NRG1: variants seen among roughly 807,000 people sequenced by gnomAD.
NRG1 encodes neuregulin 1.
In NRG1, 18 loss-of-function variants were observed where a neutral mutation model predicts 63.8. That is an observed-to-expected ratio of 0.28 (90% CI 0.19 to 0.42). The LOEUF (loss-of-function observed/expected upper bound fraction) is 0.42, where lower values mean the gene tolerates loss of function less well. NRG1 is among the 10% of genes least tolerant of loss of function. The probability of loss-of-function intolerance (pLI) is 1.00; values close to 1 mark genes in which losing one functional copy is unlikely to be tolerated. For synonymous variants in NRG1, 302 were observed against 301.3 expected, an observed-to-expected ratio of 1.00 and a Z score of -0.02; for missense variants, 762 against 814.7, an observed-to-expected ratio of 0.94 and a Z score of 0.79.
chr8:32,125,818 G>A (rs1157746781), intron 1 of NRG1, among the ~76,000 whole-genome samples: 1 of 151,918 alleles, frequency 6.6e-6, no homozygotes, highest in Non-Finnish European at 1.5e-5. Context: ...CCTGACATGT[G>A]ATTGTATCAT....
Position 32,620,546 on chromosome 8 carries a change from G to T in NRG1, c.502+3661G>T, listed in dbSNP as rs138590660. Reference sequence around the variant, plus strand: ...GAAAAAAAAAAAAAAAAAAAGAGCAGGCATGGTGGCTCATGCCTGTAATCC... The same window carrying T: ...GAAAAAAAAAAAAAAAAAAAGAGCATGCATGGTGGCTCATGCCTGTAATCC... On this transcript the variant is annotated intron_variant, in intron 5 of 11. Transcript: ENST00000356819. 6.7e-3 allele frequency among the ~76,000 whole-genome samples: 1,018 copies of T among 151,172 alleles called. 11 individuals carry two copies. Among genetic ancestry groups the T allele is most frequent in the African/African-American group, 0.023 (948 of 41,182 alleles).
intron 6 of NRG1, among the ~76,000 whole-genome samples, chr8:32,738,419 T>TGTAC (rs1564075973): frequency 9.0e-6 from 1 of 110,616 alleles, no homozygotes; most frequent in East Asian, 3.0e-4. Context: ...ACGAATGGTA[T>TGTAC]ATACATACAC....
intron 1 of NRG1, among the ~76,000 whole-genome samples, chr8:32,357,867 G>A (rs984573426): frequency 3.9e-5 from 6 of 152,174 alleles, no homozygotes; most frequent in African/African-American, 1.4e-4. Context: ...AAAAGACAGT[G>A]TAATAAGTAC....
intron 11 of NRG1, chr8:32,763,394 A>C (rs186340375): frequency 6.2e-7 from 1 of 1,607,510 alleles, no homozygotes; most frequent in East Asian, 2.2e-5. Flanking sequence ...TTCCCTTCCG[A>C]ATCCCTGAGC....
At chr8:32,440,797 A>G (rs1443376342) in intron 1 of NRG1, 1 of 152,166 alleles carries the variant, frequency 6.6e-6, no homozygotes, top group Non-Finnish European at 1.5e-5. Context: ...CCATCTTTGT[A>G]TTATATGGTA....
intron 5 of NRG1, among the ~76,000 whole-genome samples, chr8:32,720,641 T>TG (rs1469119743): frequency 6.6e-6 from 1 of 152,174 alleles, no homozygotes; most frequent in Admixed American, 6.6e-5. Context: ...GTAGCTTTCT[T>TG]GTAACTCCAT....
At chr8:32,033,283 C>T (rs1459838969) in intron 1 of NRG1, among the ~76,000 whole-genome samples, 2 of 151,860 alleles carry the variant, frequency 1.3e-5, no homozygotes, top group Admixed American at 6.6e-5. Flanking sequence ...TTTCTGAGTT[C>T]TCTATTCTGT....
intron 1 of NRG1, among the ~76,000 whole-genome samples, chr8:32,370,011 CCAA>C (rs1193321320): frequency 6.6e-6 from 1 of 151,694 alleles, no homozygotes; most frequent in Non-Finnish European, 1.5e-5. Flanking sequence ...ATGAAAGACT[CCAA>C]AGTGCTGGTT....
intron 5 of NRG1, among the ~76,000 whole-genome samples, chr8:32,644,421 T>C (rs927632310): frequency 1.6e-4 from 24 of 152,178 alleles, no homozygotes; most frequent in Non-Finnish European, 2.8e-4. Flanking sequence ...CTTTTATTGC[T>C]ATAGAGGATT....
At chr8:32,283,832 T>C (rs865995350) in intron 1 of NRG1, among the ~76,000 whole-genome samples, 1 of 152,196 alleles carries the variant, frequency 6.6e-6, no homozygotes, top group Non-Finnish European at 1.5e-5. Flanking sequence ...TGAGCTGAAA[T>C]TAATCAGGCT....
intron 5 of NRG1, chr8:32,648,124 C>T (rs1854073399): frequency 5.6e-6 from 9 of 1,614,128 alleles, no homozygotes; most frequent in Non-Finnish European, 7.6e-6. Flanking sequence ...GTGTGGGTGT[C>T]GTCTGAGGCA....
At chr8:32,439,826 A>C (rs1819296328) in intron 1 of NRG1, among the ~76,000 whole-genome samples, 2 of 149,212 alleles carry the variant, frequency 1.3e-5, no homozygotes, top group Non-Finnish European at 3.0e-5. Context: ...GCTGGAGTAC[A>C]GTGGTGTGAT....
intron 1 of NRG1, among the ~76,000 whole-genome samples, chr8:31,912,551 A>G (rs1375076121): frequency 2.8e-5 from 4 of 144,942 alleles, no homozygotes; most frequent in Non-Finnish European, 3.0e-5. Flanking sequence ...AAAAGTCTGC[A>G]GAGCTTTAGA....
At chr8:32,141,622 A>ATG (rs1418189780) in intron 1 of NRG1, among the ~76,000 whole-genome samples, 1 of 127,974 alleles carries the variant, frequency 7.8e-6, no homozygotes, top group African/African-American at 2.8e-5. Context: ...ATATATATAT[A>ATG]TATATATGAA....
chr8:32,630,104 T>G (rs1260472713), intron 5 of NRG1, among the ~76,000 whole-genome samples: 1 of 152,204 alleles, frequency 6.6e-6, no homozygotes, highest in Non-Finnish European at 1.5e-5. Flanking sequence ...CTGTGTTCTT[T>G]TCACCCACAG....
intron 1 of NRG1, among the ~76,000 whole-genome samples, chr8:32,129,876 G>A (rs1043150445): frequency 6.6e-6 from 1 of 151,852 alleles, no homozygotes; most frequent in Admixed American, 6.6e-5. Context: ...AAAATATTGT[G>A]TCGTTTGTCT....
chr8:32,433,394 A>G (rs1458537016), intron 1 of NRG1, among the ~76,000 whole-genome samples: 2 of 152,174 alleles, frequency 1.3e-5, no homozygotes, highest in Admixed American at 6.5e-5. Context: ...CCAGTAGCAG[A>G]TCTGTGGAAA....
At chr8:32,110,199 G>C (rs1398734522) in intron 1 of NRG1, among the ~76,000 whole-genome samples, 1 of 152,044 alleles carries the variant, frequency 6.6e-6, no homozygotes, top group Admixed American at 6.6e-5. Context: ...TAAGACCCTT[G>C]GATCTTGAAA....
intron 1 of NRG1, among the ~76,000 whole-genome samples, chr8:32,171,617 C>T (rs201353993): frequency 3.3e-5 from 5 of 152,262 alleles, no homozygotes; most frequent in Admixed American, 6.5e-5. Context: ...GGGTGACAGA[C>T]GGCACCTGGA....
Sources: gnomAD v4.1 joint callset for allele counts (sites outside exome capture counted in the v4.1 genomes callset) on GRCh38, gnomAD v4.1.1 for gene constraint, MANE v1.5 for transcripts, NCBI Gene and HGNC (gene_info 2026-07-23, HGNC 2026-07-21) for gene names.